The following ARHGAP29 variants were observed in gnomAD, a reference collection of about 807,000 sequenced individuals.
ARHGAP29 encodes the protein Rho GTPase activating protein 29.
A neutral mutation model predicts 122.6 loss-of-function variants in ARHGAP29; 43 were observed. The observed-to-expected ratio is 0.35, with a 90% CI of 0.27 to 0.45. The LOEUF (loss-of-function observed/expected upper bound fraction) is 0.45, where lower values mean the gene tolerates loss of function less well. Ranked by LOEUF, ARHGAP29 falls within the 20% of genes least tolerant of loss-of-function variation. The pLI, the probability that ARHGAP29 is intolerant of heterozygous loss-of-function variation, is 1.00. For missense variants in ARHGAP29, 1,303 were observed against 1,477.2 expected (o/e 0.88, Z 1.93); for synonymous variants, 506 against 497.1 (o/e 1.02, Z -0.24).
chr1:94,196,386 C>T (rs374117683), intron 12 of ARHGAP29, among the ~76,000 whole-genome samples: 1 of 150,160 alleles, frequency 6.7e-6, no homozygotes, highest in African/African-American at 2.4e-5. Flanking sequence ...CTCAGCCTCC[C>T]GAGTAGCTGG....
chr1:94,200,654 G>A (rs1343001949), intron 12 of ARHGAP29, among the ~76,000 whole-genome samples: 2 of 152,142 alleles, frequency 1.3e-5, no homozygotes, highest in African/African-American at 4.8e-5. Context: ...TGTCCAACTA[G>A]TGAATGGATA....
At chr1:94,310,455 C>A in the ARHGAP29 span, among the ~76,000 whole-genome samples, 7 of 152,142 alleles carry the variant, frequency 4.6e-5, no homozygotes, top group Non-Finnish European at 1.0e-4. Context: ...ATGCTCTTTA[C>A]AAATATACTG....
intron 1 of ARHGAP29, among the ~76,000 whole-genome samples, chr1:94,251,635 A>G (rs1654098850): frequency 6.6e-6 from 1 of 152,120 alleles, no homozygotes; most frequent in African/African-American, 2.4e-5. Context: ...AGGTACCCCA[A>G]AGTCCCTTTT....
chr1:94,175,017 A>G (rs1649003325), intron 22 of ARHGAP29, among the ~76,000 whole-genome samples: 1 of 152,204 alleles, frequency 6.6e-6, no homozygotes. Flanking sequence ...ACTTCTTTTT[A>G]AGTGCTGTGC....
chr1:94,264,139 T>C (rs926668790), intron 1 of ARHGAP29, among the ~76,000 whole-genome samples: 5 of 152,222 alleles, frequency 3.3e-5, no homozygotes, highest in African/African-American at 1.2e-4. Flanking sequence ...ATTCACAATC[T>C]TGGCAGTAGC....
At chr1:94,278,210 C>G (rs1230001550), upstream of ARHGAP29, among the ~76,000 whole-genome samples, 4 of 151,834 alleles carry the variant, frequency 2.6e-5, no homozygotes, top group African/African-American at 9.7e-5. Context: ...TCCTAGCTAC[C>G]CAGAAGGCTG....
At chr1:94,232,889 A>T (rs1442245991) in intron 1 of ARHGAP29, among the ~76,000 whole-genome samples, 1 of 151,304 alleles carries the variant, frequency 6.6e-6, no homozygotes. Context: ...AAAATGGTAG[A>T]TGACTAAGGA....
At chr1:94,223,371 C>A (rs1424070149) in intron 2 of ARHGAP29, among the ~76,000 whole-genome samples, 2 of 152,078 alleles carry the variant, frequency 1.3e-5, no homozygotes, top group East Asian at 3.8e-4. Context: ...AACTTCATGG[C>A]TGAGAAACCT....
chr1:94,224,306 GA>G (rs1330244380), intron 2 of ARHGAP29, among the ~76,000 whole-genome samples: 1 of 152,142 alleles, frequency 6.6e-6, no homozygotes, highest in East Asian at 1.9e-4. Flanking sequence ...TCTTAGAAAA[GA>G]AAGTTATTTC....
chr1:94,241,307 A>G (rs1465065041), upstream of ARHGAP29, among the ~76,000 whole-genome samples: 1 of 152,188 alleles, frequency 6.6e-6, no homozygotes, highest in Admixed American at 6.5e-5. Context: ...AAATCTCTAG[A>G]TTATCCTTAA....
the ARHGAP29 span, among the ~76,000 whole-genome samples, chr1:94,307,596 G>T: frequency 6.6e-6 from 1 of 152,026 alleles, no homozygotes; most frequent in Admixed American, 6.6e-5. Flanking sequence ...ATTCCTGCTG[G>T]AATAGACAAT....
the ARHGAP29 span, among the ~76,000 whole-genome samples, chr1:94,312,665 T>G: frequency 1.3e-5 from 2 of 152,036 alleles, no homozygotes; most frequent in African/African-American, 4.8e-5. Context: ...CTCCTGGCCT[T>G]AAGTGATCCA....
chr1:94,299,583 G>T, the ARHGAP29 span, among the ~76,000 whole-genome samples: 13 of 152,096 alleles, frequency 8.5e-5, no homozygotes, highest in Admixed American at 2.0e-4. Flanking sequence ...TTTTTTCGGT[G>T]GTGGGGGGGA....
upstream of ARHGAP29, among the ~76,000 whole-genome samples, chr1:94,241,987 A>G (rs1653607351): frequency 6.6e-6 from 1 of 151,958 alleles, no homozygotes; most frequent in Non-Finnish European, 1.5e-5. Context: ...GAAGAGACAG[A>G]GATCATGGTT....
At chr1:94,234,069 C>T (rs1167190624) in intron 1 of ARHGAP29, among the ~76,000 whole-genome samples, 2 of 152,214 alleles carry the variant, frequency 1.3e-5, no homozygotes, top group African/African-American at 4.8e-5. Context: ...AAACCACTAC[C>T]ATCAAACCAG....
chr1:94,254,909 T>G (rs1654270775), intron 1 of ARHGAP29, among the ~76,000 whole-genome samples: 1 of 152,162 alleles, frequency 6.6e-6, no homozygotes. Flanking sequence ...TGAAGTGCTA[T>G]AAAAACTGAA....
At chr1:94,202,156 C>T (rs1325896245) in intron 11 of ARHGAP29, 2 of 438,754 alleles carry the variant, frequency 4.6e-6, no homozygotes, top group Admixed American at 4.0e-5. Flanking sequence ...CGTAAAATTA[C>T]ATTTCATCAA....
intron 3 of ARHGAP29, among the ~76,000 whole-genome samples, chr1:94,209,818 CATATACAT>C (rs946195213): frequency 0.13 from 306 of 2,396 alleles, no homozygotes; most frequent in Middle Eastern, 0.5. Context: ...TATATATATA[CATATACAT>C]ATATTTGACA....
intron 11 of ARHGAP29, 156 bp downstream of exon 11, chr1:94,202,388 A>C (rs1650901472): frequency 4.9e-6 from 4 of 821,460 alleles, no homozygotes; most frequent in South Asian, 3.6e-5. Context: ...CTATTAAAAA[A>C]TGTTGACCTA....
Sources: allele counts gnomAD v4.1 joint callset (sites outside exome capture counted in the v4.1 genomes callset), GRCh38; gene constraint gnomAD v4.1.1; transcripts MANE v1.5; gene names NCBI Gene and HGNC (gene_info 2026-07-23, HGNC 2026-07-21).